KALRN: variants seen among roughly 807,000 people sequenced by gnomAD.
The protein encoded by KALRN is kalirin.
Under a neutral mutation model 353.7 loss-of-function variants are expected in KALRN, and 70 were observed. That is an observed-to-expected ratio of 0.20 (90% CI 0.16 to 0.24). The LOEUF (loss-of-function observed/expected upper bound fraction) is 0.24, where lower values mean the gene tolerates loss of function less well. Ranked by LOEUF, KALRN falls within the 10% of genes least tolerant of loss-of-function variation. KALRN has a pLI of 1.00. For missense variants in KALRN, 2,791 were observed against 3,756.7 expected, an observed-to-expected ratio of 0.74 and a Z score of 6.72; for synonymous variants, 1,391 against 1,434.8, an observed-to-expected ratio of 0.97 and a Z score of 0.69.
At chr3:124,661,037 G>A in intron 44 of KALRN, 64 bp downstream of exon 44, 1 of 1,283,240 alleles carries the variant, frequency 7.8e-7, no homozygotes, top group East Asian at 2.3e-5. Flanking sequence ...TTCTCTAGAG[G>A]GGAAAAGATT....
intron 18 of KALRN, among the ~76,000 whole-genome samples, chr3:124,439,689 A>G (rs2093611139): frequency 6.6e-6 from 1 of 152,236 alleles, no homozygotes; most frequent in African/African-American, 2.4e-5. Flanking sequence ...ATTCTTCTGT[A>G]TTAAGAGAGA....
chr3:124,410,437 A>G (rs758021041), intron 13 of KALRN, among the ~76,000 whole-genome samples: 1 of 152,244 alleles, frequency 6.6e-6, no homozygotes, highest in Non-Finnish European at 1.5e-5. Flanking sequence ...TTTTACATAT[A>G]TTATCTGATA....
At chr3:124,563,142 G>A in intron 34 of KALRN, 53 bp downstream of exon 34, 1 of 1,337,252 alleles carries the variant, frequency 7.5e-7, no homozygotes, top group Non-Finnish European at 1.0e-6. Flanking sequence ...ATGAGCGCTG[G>A]CCTGACTCTA....
At chr3:124,468,067 A>G (rs1387504487) in intron 25 of KALRN, among the ~76,000 whole-genome samples, 6 of 152,122 alleles carry the variant, frequency 3.9e-5, no homozygotes, top group Admixed American at 2.0e-4. Context: ...ATAAAGACCT[A>G]GACCTTCCCA....
rs3055892 is a variant in KALRN at position 124,304,127 on chromosome 3, A to AACACACACACACACACAC, written c.1092+5231_1092+5248dup. On this transcript the variant is annotated intron_variant, in intron 6 of 59. Coordinates refer to ENST00000682506, the MANE Select transcript of KALRN (RefSeq NM_001388419.1). ...GTCAGAATTTCTAGATTTTGTTGTA[A>AACACACACACACACACAC]ACACACACACACACACACACACACA... Among the ~76,000 whole-genome samples the AACACACACACACACACAC allele has an allele frequency of 4.3e-3, 627 of 147,492 alleles. 3 individuals are homozygous for AACACACACACACACACAC. Among genetic ancestry groups the AACACACACACACACACAC allele is most frequent in the East Asian group, 0.026 (128 of 4,930 alleles).
chr3:124,505,241 CA>C (rs1253159449), intron 33 of KALRN, among the ~76,000 whole-genome samples: 1 of 152,148 alleles, frequency 6.6e-6, no homozygotes, highest in Non-Finnish European at 1.5e-5. Context: ...TTTTGTTCTT[CA>C]AAAGTTGAGT....
intron 10 of KALRN, among the ~76,000 whole-genome samples, chr3:124,348,004 TCAA>T (rs1358609746): frequency 6.6e-6 from 1 of 152,148 alleles, no homozygotes; most frequent in Non-Finnish European, 1.5e-5. Context: ...AGCCTCCACC[TCAA>T]AAATGTTATC....
rs369521832 is a variant in KALRN, at chr3:124,675,577, A to G, written c.7193+963A>G. 5.0e-5 allele frequency: 4 copies of G among 80,632 alleles called. No homozygotes were observed. The East Asian group carries it at 1.3e-3, about 27-fold the overall frequency. The allele number at this position is 80,632 out of a possible 1,614,324, so 5.0% of individuals were successfully genotyped here. Reference sequence around the variant, plus strand: ...TTAGGATTTGGGTGAATGCATTGGCATTTTTTTTTCCTACATAAAAAGTAT... The same window carrying G: ...TTAGGATTTGGGTGAATGCATTGGCGTTTTTTTTTCCTACATAAAAAGTAT... On this transcript the variant is annotated intron_variant, in intron 49 of 59. Coordinates refer to ENST00000682506, the MANE Select transcript of KALRN (RefSeq NM_001388419.1).
At chr3:124,432,019 T>C (rs1342561150) in intron 16 of KALRN, among the ~76,000 whole-genome samples, 1 of 152,220 alleles carries the variant, frequency 6.6e-6, no homozygotes, top group Non-Finnish European at 1.5e-5. Context: ...TGAGTTTTAT[T>C]ATCATCAGCT....
chr3:124,288,596 T>C (rs1391170971), intron 5 of KALRN, among the ~76,000 whole-genome samples: 1 of 151,964 alleles, frequency 6.6e-6, no homozygotes, highest in African/African-American at 2.4e-5. Context: ...TCAGCAATAG[T>C]AGGGGTTGGT....
Position 124,562,873 on chromosome 3 carries a change from C to A in KALRN, c.4966C>A (p.Leu1656Ile), listed in dbSNP as rs779047572. The A allele has an allele frequency of 7.3e-7, 1 of 1,367,166 alleles. No individual in the cohort carries two copies. Among genetic ancestry groups the A allele is most frequent in the South Asian group, 1.1e-5 (1 of 87,790 alleles). The allele number at this position is 1,367,166 out of a possible 1,614,324, so 84.7% of individuals were successfully genotyped here. ...TGGTGGATGTGAGCTGACAGTGGTC[C>A]TCCAGGACTTCAGTGCGGGCCACAG... ...LSGGCELTVV[L>I]QDFSAGHSSE... The change falls in exon 34 of 60, where the codon CTC (leucine) becomes ATC (isoleucine). Residue 1656 changes from leucine to isoleucine, a missense_variant. By Grantham distance (5) the Leu-to-Ile change is conservative (BLOSUM62 2). Coordinates refer to ENST00000682506, the MANE Select transcript of KALRN (RefSeq NM_001388419.1).
chr3:124,431,322 G>T (rs1298539076), intron 16 of KALRN, among the ~76,000 whole-genome samples: 1 of 152,120 alleles, frequency 6.6e-6, no homozygotes, highest in African/African-American at 2.4e-5. Context: ...CAATAATGCT[G>T]GTAGAACAGT....
chr3:124,691,959 C>G (rs546529666), intron 51 of KALRN, among the ~76,000 whole-genome samples: 1 of 152,170 alleles, frequency 6.6e-6, no homozygotes, highest in East Asian at 1.9e-4. Flanking sequence ...TCATCCACTC[C>G]CCCATCCCAC....
At chr3:124,153,866 C>T (rs2068566656) in intron 1 of KALRN, among the ~76,000 whole-genome samples, 1 of 151,912 alleles carries the variant, frequency 6.6e-6, no homozygotes, top group East Asian at 1.9e-4. Flanking sequence ...CTCTGATGGC[C>T]AGTGATGATG....
At chr3:124,637,491 A>G (rs2081489852) in intron 37 of KALRN, among the ~76,000 whole-genome samples, 188 bp downstream of exon 37, 1 of 152,202 alleles carries the variant, frequency 6.6e-6, no homozygotes, top group South Asian at 2.1e-4. Flanking sequence ...GGTATAGGGA[A>G]TTAATACATC....
At chr3:124,591,611 T>C (rs1490274341) in intron 34 of KALRN, among the ~76,000 whole-genome samples, 2 of 152,210 alleles carry the variant, frequency 1.3e-5, no homozygotes, top group Admixed American at 6.5e-5. Flanking sequence ...ATTTACCCCA[T>C]TGAGCTGTGA....
Position 124,562,882 on chromosome 3 carries a change from T to G in KALRN, c.4975T>G (p.Phe1659Val). The G allele has an allele frequency of 7.3e-7, 1 of 1,367,586 alleles. No homozygotes were observed. The highest frequency in any genetic ancestry group is 9.8e-7 in the Non-Finnish European group (1 of 1,021,902). The allele number at this position is 1,367,586 out of a possible 1,614,324, so 84.7% of individuals were successfully genotyped here. A position where few individuals can be genotyped will look rare whatever the true frequency, so the allele number is the denominator to read the frequency against. The change falls in exon 34 of 60, where the codon TTC (phenylalanine) becomes GTC (valine). Residue 1659 changes from phenylalanine (F) to valine (V), a missense_variant. Coordinates refer to ENST00000682506, the MANE Select transcript of KALRN (RefSeq NM_001388419.1). ...TGAGCTGACAGTGGTCCTCCAGGACTTCAGTGCGGGCCACAGCAGTGAGCT... is the reference window on the plus strand; with the variant it reads ...TGAGCTGACAGTGGTCCTCCAGGACGTCAGTGCGGGCCACAGCAGTGAGCT... ...GCELTVVLQD[F>V]SAGHSSELTI...
At chr3:124,331,802 C>T (rs1015053402) in intron 8 of KALRN, among the ~76,000 whole-genome samples, 4 of 152,128 alleles carry the variant, frequency 2.6e-5, no homozygotes, top group Admixed American at 1.3e-4. Flanking sequence ...TTATCAGGCC[C>T]TAGCGTTGTG....
chr3:124,390,133 A>G (rs2089127031), intron 11 of KALRN, among the ~76,000 whole-genome samples: 1 of 152,190 alleles, frequency 6.6e-6, no homozygotes, highest in South Asian at 2.1e-4. Context: ...CATTGACCCG[A>G]GTCCTCATTC....
Sources: allele counts gnomAD v4.1 joint callset (sites outside exome capture counted in the v4.1 genomes callset), GRCh38; gene constraint gnomAD v4.1.1; transcripts MANE v1.5; gene names NCBI Gene and HGNC (gene_info 2026-07-23, HGNC 2026-07-21).